Variants in RAB3C observed in about 807,000 individuals in gnomAD.
RAB3C encodes ras-related protein Rab-3C.
In RAB3C, 17 loss-of-function variants were observed where a neutral mutation model predicts 26.4. The observed-to-expected ratio is 0.64, with a 90% CI of 0.44 to 0.97. RAB3C has a LOEUF of 0.97. Among genes scored for constraint, RAB3C ranks in the 50% least tolerant of loss-of-function variants. RAB3C has a pLI of 0.00. For missense variants in RAB3C, 242 were observed against 281.9 expected (o/e 0.86, Z 1.01); for synonymous variants, 91 against 95.9 (o/e 0.95, Z 0.30).
chr5:58,673,401 G>T (rs1321055182), intron 2 of RAB3C, among the ~76,000 whole-genome samples: 1 of 151,806 alleles, frequency 6.6e-6, no homozygotes, highest in Non-Finnish European at 1.5e-5. Flanking sequence ...AAACTGTAGG[G>T]GGAAAGTGGG....
At chr5:58,744,252 C>A (rs2111951977) in intron 3 of RAB3C, among the ~76,000 whole-genome samples, 1 of 152,280 alleles carries the variant, frequency 6.6e-6, no homozygotes, top group African/African-American at 2.4e-5. Flanking sequence ...CAAGTAGTGT[C>A]CCCTGGAAGA....
intron 1 of RAB3C, among the ~76,000 whole-genome samples, chr5:58,610,414 T>G (rs910763247): frequency 2.0e-4 from 30 of 152,184 alleles, no homozygotes; most frequent in African/African-American, 7.2e-4. Flanking sequence ...GTTGTCAGGT[T>G]TTAATTTTTT....
chr5:58,827,451 A>AG (rs1743510194), intron 4 of RAB3C, among the ~76,000 whole-genome samples: 1 of 152,182 alleles, frequency 6.6e-6, no homozygotes, highest in African/African-American at 2.4e-5. Flanking sequence ...AACTGGCTAA[A>AG]TTTTTTAACA....
intron 2 of RAB3C, among the ~76,000 whole-genome samples, chr5:58,644,786 C>G (rs1183481995): frequency 6.6e-6 from 1 of 152,106 alleles, no homozygotes; most frequent in Non-Finnish European, 1.5e-5. Flanking sequence ...CGTTACCATG[C>G]ACACTTGCAG....
chr5:58,835,007 C>T (rs926120560), intron 4 of RAB3C, among the ~76,000 whole-genome samples: 10 of 152,174 alleles, frequency 6.6e-5, no homozygotes, highest in Admixed American at 3.9e-4. Context: ...TGTTTATGTT[C>T]ATTTCCCAGT....
chr5:58,678,139 G>A (rs1465390670), intron 2 of RAB3C, among the ~76,000 whole-genome samples: 1 of 151,748 alleles, frequency 6.6e-6, no homozygotes, highest in Non-Finnish European at 1.5e-5. Context: ...GATTGTTTGG[G>A]GTCTATTCCA....
In RAB3C at chr5:58,679,487, C is replaced by T. The variant is rs1052237546; in HGVS notation, c.253-46515C>T. ...GTAGACAATTCTGTTATAGTACAAG[C>T]CTGTGTCTTTATCTAGAACATGGTA... On this transcript the variant is annotated intron_variant, in intron 2 of 4. Transcript: ENST00000282878. 6.6e-5 allele frequency among the ~76,000 whole-genome samples: 10 copies of T among 152,120 alleles called. 1 individual carries two copies. The highest frequency in any genetic ancestry group is 5.2e-4 in the Admixed American group (8 of 15,274).
intron 2 of RAB3C, among the ~76,000 whole-genome samples, chr5:58,628,577 C>T (rs912730698): frequency 2.0e-5 from 3 of 152,162 alleles, no homozygotes; most frequent in African/African-American, 7.2e-5. Flanking sequence ...TTCATCCCAC[C>T]TTCTGATCTC....
intron 2 of RAB3C, among the ~76,000 whole-genome samples, chr5:58,637,879 C>A (rs2044666905): frequency 6.6e-6 from 1 of 152,090 alleles, no homozygotes. Context: ...ATATCACCAA[C>A]TGTGTTTTCA....
At chr5:58,819,067 A>C (rs1743281358) in intron 3 of RAB3C, among the ~76,000 whole-genome samples, 1 of 152,238 alleles carries the variant, frequency 6.6e-6, no homozygotes, top group African/African-American at 2.4e-5. Context: ...GAAATGATGA[A>C]TTAAGCTGGA....
intron 3 of RAB3C, among the ~76,000 whole-genome samples, chr5:58,775,076 A>C (rs1419437977): frequency 6.6e-6 from 1 of 152,150 alleles, no homozygotes; most frequent in Non-Finnish European, 1.5e-5. Context: ...TGGAGGAAGA[A>C]GTGGGAACCC....
At chr5:58,838,177 G>A (rs574218931) in intron 4 of RAB3C, among the ~76,000 whole-genome samples, 9 of 152,212 alleles carry the variant, frequency 5.9e-5, no homozygotes, top group South Asian at 4.2e-4. Flanking sequence ...TCAGTAGACC[G>A]AGACCATCCT....
In RAB3C at chr5:58,797,351, AAAATATGTATATATATAATATATAT is replaced by A. The variant is rs1295143970; in HGVS notation, c.372-27685_372-27661del. Among the ~76,000 whole-genome samples the A allele has an allele frequency of 4.3e-3, 94 of 22,082 alleles. 3 individuals are homozygous for A. The highest frequency in any genetic ancestry group is 0.027 in the African/African-American group (87 of 3,258). 14.5% of individuals were successfully genotyped at this position (22,082 alleles called of 152,430 possible). ...ACTCCCTGGAAGACAAAAAAAAAAAAAAATATGTATATATATAATATATATATATATATATATATATATATACACA... is the reference window on the plus strand; with the variant it reads ...ACTCCCTGGAAGACAAAAAAAAAAAAATATATATATATATATATATACACA... On this transcript the variant is annotated intron_variant, in intron 3 of 4. Coordinates refer to ENST00000282878, the MANE Select transcript of RAB3C (RefSeq NM_138453.4).
chr5:58,727,666 G>T (rs569388583), intron 3 of RAB3C, among the ~76,000 whole-genome samples: 1 of 152,052 alleles, frequency 6.6e-6, no homozygotes, highest in African/African-American at 2.4e-5. Flanking sequence ...CTAGTTAATT[G>T]CCACAGATAG....
chr5:58,595,802 G>A (rs1746233786), intron 1 of RAB3C, among the ~76,000 whole-genome samples: 1 of 151,898 alleles, frequency 6.6e-6, no homozygotes, highest in Admixed American at 6.6e-5. Context: ...GGTGTTTTTT[G>A]CTGCCAAGAA....
rs140679973 is a variant in RAB3C at position 58,751,284 on chromosome 5, G to A, written c.371+25164G>A. Reference sequence around the variant, plus strand: ...GACAGAAATCCAAAGGTAGAATTGAGAAGTATTGTTTTTGTTCACTGCCAT... The same window carrying A: ...GACAGAAATCCAAAGGTAGAATTGAAAAGTATTGTTTTTGTTCACTGCCAT... On this transcript the variant is annotated intron_variant, in intron 3 of 4. Transcript: ENST00000282878. Among the ~76,000 whole-genome samples, 203 of 152,332 alleles carry A rather than the reference G, an allele frequency of 1.3e-3. 1 individual carries two copies. Among genetic ancestry groups the A allele is most frequent in the African/African-American group, 4.5e-3 (188 of 41,574 alleles).
At chr5:58,778,962 G>A (rs1043085222) in intron 3 of RAB3C, among the ~76,000 whole-genome samples, 2 of 152,092 alleles carry the variant, frequency 1.3e-5, no homozygotes, top group Admixed American at 6.6e-5. Flanking sequence ...AAGTGGGACA[G>A]GATTAAAAAC....
At chr5:58,606,181 G>A (rs571796878) in intron 1 of RAB3C, among the ~76,000 whole-genome samples, 1 of 152,260 alleles carries the variant, frequency 6.6e-6, no homozygotes, top group South Asian at 2.1e-4. Flanking sequence ...TGGAAAAATG[G>A]GACACTCTGC....
At chr5:58,675,615 C>CTTT (rs1195191076) in intron 2 of RAB3C, among the ~76,000 whole-genome samples, 9 of 89,386 alleles carry the variant, frequency 1.0e-4, no homozygotes, top group African/African-American at 2.0e-4. Context: ...GGCCATTTGT[C>CTTT]TTTTTTTTTT....
Sources: gnomAD v4.1 joint callset for allele counts (sites outside exome capture counted in the v4.1 genomes callset) on GRCh38, gnomAD v4.1.1 for gene constraint, MANE v1.5 for transcripts, NCBI Gene and HGNC (gene_info 2026-07-23, HGNC 2026-07-21) for gene names.